Variants in GPR135 observed in about 807,000 individuals in gnomAD.
GPR135 encodes the protein G-protein coupled receptor 135.
Under a neutral mutation model 15.0 loss-of-function variants are expected in GPR135, and 17 were observed. The observed-to-expected ratio is 1.13, with a 90% CI of 0.78 to 1.70. The LOEUF (loss-of-function observed/expected upper bound fraction) is 1.70. GPR135 is among the 40% of genes most tolerant of loss of function. The pLI, the probability that GPR135 is intolerant of heterozygous loss-of-function variation, is 0.00. For missense variants in GPR135, 776 were observed against 727.0 expected (o/e 1.07, Z -0.78); for synonymous variants, 368 against 349.4 (o/e 1.05, Z -0.59).
rs561488598 is a variant in GPR135 at position 59,453,834 on chromosome 14, G to A, written c.*874+1850C>T. On this transcript the variant is annotated intron_variant and NMD_transcript_variant, in intron 6 of 6. Transcript: ENST00000481661. ...TTTTGTACCTTTTCAAATTCATATC[G>A]TGTACATATTATCTATTTTTAAAGT... 5.6e-4 allele frequency among the ~76,000 whole-genome samples: 85 copies of A among 152,230 alleles called. 1 individual carries two copies. Among genetic ancestry groups the A allele is most frequent in the African/African-American group, 2.0e-3 (81 of 41,532 alleles).
At chr14:59,453,193 C>T (rs1594887794) in intron 6 of GPR135, among the ~76,000 whole-genome samples, 1 of 152,148 alleles carries the variant, frequency 6.6e-6, no homozygotes, top group Non-Finnish European at 1.5e-5. Flanking sequence ...GAATGTACAA[C>T]ACGAAGAGTG....
chr14:59,464,559 C>T lies in GPR135; in HGVS notation c.668G>A (p.Arg223His). Residue 223 changes from arginine to histidine, a missense_variant, in exon 1 of 1, where the codon CGC becomes CAC. Coordinates refer to ENST00000395116, the MANE Select transcript of GPR135 (RefSeq NM_022571.6). The stretch of plus-strand genomic sequence containing the variant: ...CGCCAGCAGCTGCAGCGCGCGGCGG[C>T]GGCCGATCTTCTCCCGCGGCGGCCG... ...IVRPPREKIG[R>H]RRALQLLAGA... The T allele has an allele frequency of 1.9e-6, 3 of 1,566,706 alleles. No homozygotes were observed. Among genetic ancestry groups the T allele is most frequent in the South Asian group, 1.1e-5 (1 of 87,272 alleles).
At chr14:59,455,031 C>T (rs1050457374) in intron 6 of GPR135, among the ~76,000 whole-genome samples, 3 of 151,356 alleles carry the variant, frequency 2.0e-5, no homozygotes, top group African/African-American at 7.3e-5. Flanking sequence ...ACCCTGGAGG[C>T]GGAGATTGCG....
Position 59,463,591 on chromosome 14 carries a change from C to A in GPR135, c.*151G>T. ...GGCACTTTTGAAGAAGGGACATTGT[C>A]TTTTATGTTGTTTGGGGAAAGTGGT... is the stretch of plus-strand genomic sequence containing the variant. On this transcript the variant is annotated 3_prime_UTR_variant, in exon 1 of 1. Coordinates refer to ENST00000395116, the MANE Select transcript of GPR135 (RefSeq NM_022571.6). The A allele has an allele frequency of 1.4e-6, 1 of 728,978 alleles. No individual in the cohort carries two copies. Among genetic ancestry groups the A allele is most frequent in the Non-Finnish European group, 2.2e-6 (1 of 460,504 alleles). The allele number at this position is 728,978 out of a possible 1,614,324, so 45.2% of individuals were successfully genotyped here. A position where few individuals can be genotyped will look rare whatever the true frequency, so the allele number is the denominator to read the frequency against.
At position 59,464,224 on chromosome 14, in the gene GPR135, T is replaced by C. The variant is rs1180943565; in HGVS notation, c.1003A>G (p.Ile335Val). 1.4e-5 allele frequency: 23 copies of C among 1,611,400 alleles called. No individual in the cohort carries two copies. Among genetic ancestry groups the C allele is most frequent in the Admixed American group, 1.2e-4 (7 of 60,006 alleles). ...SEVRTATTVL[I>V]MIVFVICCWG... is the part of the protein sequence containing the mutation. ...CAGCAGATGACGAAGACGATCATGA[T>C]GAGGACGGTGGTGGCCGTGCGCACC... Residue 335 changes from isoleucine to valine, a missense_variant, in exon 1 of 1, where the codon ATC becomes GTC. Ile to Val is a conservative substitution (Grantham distance 29). Coordinates refer to ENST00000395116, the MANE Select transcript of GPR135 (RefSeq NM_022571.6).
rs763981722 is a variant in GPR135, at chr14:59,464,789, G to A, written c.438C>T (p.Ser146=). ...TVTNAFILSL[S]LSDLLTALLC... ...GCAGCGCCGTGAGCAGATCCGATAG[G>A]GACAGCGACAGGATGAAGGCGTTGG... Residue 146 remains serine, a synonymous_variant, in exon 1 of 1, where the codon TCC becomes TCT. Transcript: ENST00000395116. The A allele has an allele frequency of 1.6e-5, 26 of 1,576,250 alleles. No homozygotes were observed. In the South Asian group the frequency reaches 2.9e-4, roughly 18 times the overall value.
In GPR135 at chr14:59,464,237, G is replaced by A. The variant is rs777163594; in HGVS notation, c.990C>T (p.Ala330=). The stretch of plus-strand genomic sequence containing the variant: ...AGACGATCATGATGAGGACGGTGGT[G>A]GCCGTGCGCACCTCGCTGAAGAAGC... ...VLRFFSEVRT[A]TTVLIMIVFV... is the part of the protein sequence containing the mutation. The change falls in exon 1 of 1, where the codon GCC becomes GCT. Residue 330 remains alanine, a synonymous_variant. Coordinates refer to ENST00000395116, the MANE Select transcript of GPR135 (RefSeq NM_022571.6). The A allele has an allele frequency of 6.8e-6, 11 of 1,611,540 alleles. No homozygotes were observed. The highest frequency in any genetic ancestry group is 9.3e-6 in the Non-Finnish European group (11 of 1,179,932).
At chr14:59,459,737 G>C (rs1244754954), downstream of GPR135, among the ~76,000 whole-genome samples, 11 of 152,198 alleles carry the variant, frequency 7.2e-5, no homozygotes, top group Non-Finnish European at 1.6e-4. Flanking sequence ...CTAAAGGAAA[G>C]GAACTGAGGG....
chr14:59,457,622 A>T (rs1888703433), downstream of GPR135, among the ~76,000 whole-genome samples: 1 of 152,072 alleles, frequency 6.6e-6, no homozygotes, highest in Non-Finnish European at 1.5e-5. Context: ...GTTAAGTTTT[A>T]ATTTTAGTAA....
chr14:59,464,830 G>A lies in GPR135; in HGVS notation c.397C>T (p.Gln133Ter). The change falls in exon 1 of 1, where the codon CAG (glutamine) becomes TAG (stop). Residue 133 changes from glutamine (Q) to a stop codon, truncating the protein, a stop_gained. Coordinates refer to ENST00000395116, the MANE Select transcript of GPR135 (RefSeq NM_022571.6). LOFTEE classifies it high-confidence loss of function. Reference sequence around the variant, plus strand: ...AAGGCGTTGGTGACGGTGCGGAGCTGCCGGTGCTTCACAATCACCCCCATC... The same window carrying A: ...AAGGCGTTGGTGACGGTGCGGAGCTACCGGTGCTTCACAATCACCCCCATC... ...AVMGVIVKHRQLRTVTNAFIL... is the reference protein window; with the variant it reads ...AVMGVIVKHR 6.3e-7 allele frequency: 1 copy of A among 1,592,188 alleles called. No individual in the cohort carries two copies. Among genetic ancestry groups the A allele is most frequent in the Non-Finnish European group, 8.6e-7 (1 of 1,169,526 alleles).
Position 59,465,299 on chromosome 14 carries a change from C to G in GPR135, c.-73G>C. 3 of 1,087,522 alleles carry G rather than the reference C, an allele frequency of 2.8e-6. No individual in the cohort carries two copies. The highest frequency in any genetic ancestry group is 3.4e-6 in the Non-Finnish European group (3 of 871,548). 67.4% of individuals were successfully genotyped at this position (1,087,522 alleles called of 1,614,324 possible). A position where few individuals can be genotyped will look rare whatever the true frequency, so the allele number is the denominator to read the frequency against. Reference sequence around the variant, plus strand: ...CGGCCGCTAGGTCGGAGTGGTGGCTCGGGGCCGGGGGCTAGCGGCCGCCGC... The same window carrying G: ...CGGCCGCTAGGTCGGAGTGGTGGCTGGGGGCCGGGGGCTAGCGGCCGCCGC... On this transcript the variant is annotated 5_prime_UTR_variant, in exon 1 of 1. Coordinates refer to ENST00000395116, the MANE Select transcript of GPR135 (RefSeq NM_022571.6).
At chr14:59,455,385 A>C (rs377666502) in intron 6 of GPR135, among the ~76,000 whole-genome samples, 3 of 152,306 alleles carry the variant, frequency 2.0e-5, no homozygotes, top group Non-Finnish European at 4.4e-5. Flanking sequence ...ACTGCAACCT[A>C]TAAGAAGGGG....
At chr14:59,456,725 G>A (rs943609652), downstream of GPR135, among the ~76,000 whole-genome samples, 1 of 152,110 alleles carries the variant, frequency 6.6e-6, no homozygotes, top group Non-Finnish European at 1.5e-5. Flanking sequence ...GAGATAACCT[G>A]TCAATCAAAA....
downstream of GPR135, among the ~76,000 whole-genome samples, chr14:59,457,646 C>T (rs1048067554): frequency 6.6e-6 from 1 of 152,160 alleles, no homozygotes; most frequent in Non-Finnish European, 1.5e-5. Flanking sequence ...TAATTTTCAA[C>T]TCAAGCATTT....
downstream of GPR135, chr14:59,460,605 G>T (rs1012733302): frequency 3.9e-5 from 6 of 152,192 alleles, no homozygotes; most frequent in African/African-American, 1.4e-4. Context: ...GTAAAATGGG[G>T]AGAGTGATAA....
Position 59,464,252 on chromosome 14 carries a change from G to T in GPR135, c.975C>A (p.Ser325Arg). 2 of 1,611,948 alleles carry T rather than the reference G, an allele frequency of 1.2e-6. No individual in the cohort carries two copies. The highest frequency in any genetic ancestry group is 1.7e-6 in the Non-Finnish European group (2 of 1,179,906). ...GGACGGTGGTGGCCGTGCGCACCTC[G>T]CTGAAGAAGCGCAGCACGCGCGCGT... ...NTYARVLRFF[S>R]EVRTATTVLI... Residue 325 changes from serine to arginine, a missense_variant, in exon 1 of 1, where the codon AGC (serine) becomes AGA (arginine). Coordinates refer to ENST00000395116, the MANE Select transcript of GPR135 (RefSeq NM_022571.6).
chr14:59,464,719 C>G lies in GPR135; in HGVS notation c.508G>C (p.Gly170Arg). Residue 170 changes from glycine to arginine, a missense_variant, in exon 1 of 1, where the codon GGT becomes CGT. Transcript: ENST00000395116. ...AFLDLFTPPG[G>R]SAPAAAAGPW... is the part of the protein sequence containing the mutation. ...CCCGCGGCGGCGGCAGGCGCCGAAC[C>G]CCCGGGCGGAGTGAAGAGGTCCAGG... 2.6e-6 allele frequency: 4 copies of G among 1,566,056 alleles called. No homozygotes were observed. The highest frequency in any genetic ancestry group is 3.5e-6 in the Non-Finnish European group (4 of 1,157,750).
At position 59,465,070 on chromosome 14, in the gene GPR135, C is replaced by A; in HGVS notation, c.157G>T (p.Gly53Trp). The A allele has an allele frequency of 7.3e-7, 1 of 1,373,552 alleles. No individual in the cohort carries two copies. Among genetic ancestry groups the A allele is most frequent in the Non-Finnish European group, 9.4e-7 (1 of 1,064,552 alleles). 85.1% of individuals were successfully genotyped at this position (1,373,552 alleles called of 1,614,324 possible). ...SFSTVATAAL[G>W]NLSDASGGGT... ...CCTCCGCTTGCGTCGCTCAGGTTCC[C>A]CAGCGCCGCGGTCGCCACGGTGCTG... Residue 53 changes from glycine (G) to tryptophan (W), a missense_variant, in exon 1 of 1, where the codon GGG (glycine) becomes TGG (tryptophan). By Grantham distance (184) the Gly-to-Trp change is radical. Coordinates refer to ENST00000395116, the MANE Select transcript of GPR135 (RefSeq NM_022571.6).
rs1435611770 is a variant in GPR135 at position 59,464,848 on chromosome 14, C to G, written c.379G>C (p.Val127Leu). 2.5e-6 allele frequency: 4 copies of G among 1,602,482 alleles called. No homozygotes were observed. The highest frequency in any genetic ancestry group is 1.3e-5 in the African/African-American group (1 of 74,834). Reference sequence around the variant, plus strand: ...CGGAGCTGCCGGTGCTTCACAATCACCCCCATCACCGCGCAGTTGCCAAGG... The same window carrying G: ...CGGAGCTGCCGGTGCTTCACAATCAGCCCCATCACCGCGCAGTTGCCAAGG... ...SSLGNCAVMG[V>L]IVKHRQLRTV... Residue 127 changes from valine to leucine, a missense_variant, in exon 1 of 1, where the codon GTG (valine) becomes CTG (leucine). Transcript: ENST00000395116.
Sources: gnomAD v4.1 joint callset for allele counts (sites outside exome capture counted in the v4.1 genomes callset) on GRCh38, gnomAD v4.1.1 for gene constraint, MANE v1.5 for transcripts, NCBI Gene and HGNC (gene_info 2026-07-23, HGNC 2026-07-21) for gene names.